TESMIN: variants seen among roughly 807,000 people sequenced by gnomAD.
The protein encoded by TESMIN is CXC domain containing 2.
TESMIN carries 34 observed loss-of-function variants against 47.4 expected under a neutral mutation model. The ratio of observed to expected loss-of-function variants is 0.72; its 90% CI spans 0.55 to 0.96. The LOEUF is 0.96. Among genes scored for constraint, TESMIN ranks in the 40% least tolerant of loss-of-function variants. The probability of loss-of-function intolerance (pLI) is 0.00; values close to 1 mark genes in which losing one functional copy is unlikely to be tolerated. For synonymous variants in TESMIN, 278 were observed against 258.9 expected (o/e 1.07, Z -0.71); for missense variants, 610 against 637.2 (o/e 0.96, Z 0.46).
chr11:68,711,962 G>T (rs1245908339), intron 8 of TESMIN, among the ~76,000 whole-genome samples: 1 of 152,228 alleles, frequency 6.6e-6, no homozygotes, highest in Non-Finnish European at 1.5e-5. Context: ...ATGGTTTTTG[G>T]CTTTCTCTTT....
chr11:68,725,408 G>A (rs1210651059), intron 6 of TESMIN, among the ~76,000 whole-genome samples: 1 of 152,144 alleles, frequency 6.6e-6, no homozygotes, highest in Non-Finnish European at 1.5e-5. Context: ...AGGTTGCAGT[G>A]AGCATCATTC....
Position 68,747,400 on chromosome 11 carries a change from A to G in TESMIN, c.472-34T>C, listed in dbSNP as rs751029168. 5 of 1,568,910 alleles carry G rather than the reference A, an allele frequency of 3.2e-6. No individual in the cohort carries two copies. In the South Asian group the frequency reaches 4.4e-5, roughly 14 times the overall value. On this transcript the variant is annotated intron_variant, in intron 2 of 9. Transcript: ENST00000255087. ...AAGCAATAATTATTTTAGAGAACACATGGTGGACACTGGCTCTTGCAGTTG... is the reference window on the plus strand; with the variant it reads ...AAGCAATAATTATTTTAGAGAACACGTGGTGGACACTGGCTCTTGCAGTTG...
At chr11:68,708,585 T>C (rs1946024653) in intron 9 of TESMIN, 85 bp from the exon 10 acceptor site, 4 of 1,200,904 alleles carry the variant, frequency 3.3e-6, no homozygotes, top group Middle Eastern at 2.8e-4. Context: ...GAACATTGCT[T>C]GTCCATGCTA....
At chr11:68,746,385 G>C (rs1946520716) in intron 3 of TESMIN, among the ~76,000 whole-genome samples, 1 of 152,142 alleles carries the variant, frequency 6.6e-6, no homozygotes, top group African/African-American at 2.4e-5. Context: ...AGAACCCACA[G>C]CCCCAAATAG....
At chr11:68,713,440 A>C (rs1388082825) in intron 7 of TESMIN, 33 bp from the exon 8 acceptor site, 7 of 1,609,914 alleles carry the variant, frequency 4.3e-6, no homozygotes, top group Non-Finnish European at 5.9e-6. Context: ...ATCAGGATGG[A>C]TTTTATCATT....
chr11:68,742,441 C>T (rs751931959), intron 4 of TESMIN, 47 bp from the exon 5 acceptor site: 1 of 1,247,164 alleles, frequency 8.0e-7, no homozygotes, highest in East Asian at 2.4e-5. Flanking sequence ...TATCGTTCCT[C>T]TTCCACTTAC....
intron 6 of TESMIN, among the ~76,000 whole-genome samples, chr11:68,726,075 A>T (rs370193317): frequency 6.6e-6 from 1 of 152,154 alleles, no homozygotes; most frequent in Non-Finnish European, 1.5e-5. Flanking sequence ...TTACAAGGAC[A>T]TGTGTGATCT....
rs1183706730 is a variant in TESMIN at position 68,738,735 on chromosome 11, T to C, written c.882A>G (p.Ser294=). 5 of 1,614,002 alleles carry C rather than the reference T, an allele frequency of 3.1e-6. No individual in the cohort carries two copies. The highest frequency in any genetic ancestry group is 3.4e-6 in the Non-Finnish European group (4 of 1,179,996). Residue 294 remains serine, a synonymous_variant, in exon 6 of 10, where the codon TCA becomes TCG. Coordinates refer to ENST00000255087, the MANE Select transcript of TESMIN (RefSeq NM_004923.3). ...VVNGSAFPSG[S]TLPGPPKITL... The stretch of plus-strand genomic sequence containing the variant: ...TTATTTTTGGTGGTCCTGGAAGAGT[T>C]GATCCCGAGGGGAAAGCAGACCCGT...
intron 6 of TESMIN, among the ~76,000 whole-genome samples, chr11:68,734,196 C>T (rs974391415): frequency 6.6e-6 from 1 of 152,216 alleles, no homozygotes; most frequent in African/African-American, 2.4e-5. Flanking sequence ...TTAGTAATCA[C>T]TTAAGTGTGC....
chr11:68,710,839 C>A, intron 9 of TESMIN, 35 bp downstream of exon 9: 1 of 1,549,478 alleles, frequency 6.5e-7, no homozygotes, highest in Non-Finnish European at 8.8e-7. Context: ...AACCTCTGTT[C>A]CCTCTATTAG....
At chr11:68,721,625 T>C (rs1473697015) in intron 6 of TESMIN, among the ~76,000 whole-genome samples, 1 of 152,176 alleles carries the variant, frequency 6.6e-6, no homozygotes, top group Non-Finnish European at 1.5e-5. Flanking sequence ...ATTTATGGAA[T>C]GAATGAATAA....
chr11:68,734,385 G>C (rs1018704871), intron 6 of TESMIN, among the ~76,000 whole-genome samples: 3 of 152,170 alleles, frequency 2.0e-5, no homozygotes, highest in Non-Finnish European at 4.4e-5. Flanking sequence ...TAAACCATCG[G>C]GAGAAGTTCC....
intron 6 of TESMIN, among the ~76,000 whole-genome samples, chr11:68,734,324 C>A (rs1003444782): frequency 5.9e-5 from 9 of 152,156 alleles, no homozygotes; most frequent in African/African-American, 1.7e-4. Context: ...GAAACAAACT[C>A]TTCCTCTAAC....
intron 3 of TESMIN, 89 bp from the exon 4 acceptor site, chr11:68,745,200 C>G: frequency 8.0e-7 from 1 of 1,244,486 alleles, no homozygotes; most frequent in Non-Finnish European, 1.1e-6. Context: ...GAGAAAATAG[C>G]TTTAATCCAG....
intron 8 of TESMIN, among the ~76,000 whole-genome samples, 160 bp from the exon 9 acceptor site, chr11:68,711,209 C>T (rs896014517): frequency 6.7e-6 from 1 of 149,596 alleles, no homozygotes; most frequent in Non-Finnish European, 1.5e-5. Flanking sequence ...TGGGTGAGAG[C>T]GTGTGTTGAA....
At chr11:68,733,807 A>G (rs878993283) in intron 6 of TESMIN, 1 of 152,230 alleles carries the variant, frequency 6.6e-6, no homozygotes, top group Admixed American at 6.5e-5. Flanking sequence ...GTTTTTCAAC[A>G]CATTGTGAGA....
intron 5 of TESMIN, among the ~76,000 whole-genome samples, chr11:68,739,688 C>T (rs114025852): frequency 1.7e-3 from 254 of 152,276 alleles, no homozygotes; most frequent in African/African-American, 5.9e-3. Context: ...CCTCCTGGGT[C>T]CCACTGCCTC....
chr11:68,727,900 A>G (rs1423066438), intron 6 of TESMIN, among the ~76,000 whole-genome samples: 1 of 152,220 alleles, frequency 6.6e-6, no homozygotes, highest in East Asian at 1.9e-4. Context: ...TCCATATAAG[A>G]GCACGAACTT....
intron 8 of TESMIN, 36 bp downstream of exon 8, chr11:68,713,234 G>C (rs900005922): frequency 1.9e-6 from 3 of 1,580,970 alleles, no homozygotes; most frequent in Non-Finnish European, 2.6e-6. Flanking sequence ...ATTTACCTGT[G>C]TTTTTTGTTA....
Sources: gnomAD v4.1 joint callset for allele counts (sites outside exome capture counted in the v4.1 genomes callset) on GRCh38, gnomAD v4.1.1 for gene constraint, MANE v1.5 for transcripts, NCBI Gene and HGNC (gene_info 2026-07-23, HGNC 2026-07-21) for gene names.